TULP3: variants seen among roughly 807,000 people sequenced by gnomAD.
TULP3 encodes TUB like protein 3.
In TULP3, 38 loss-of-function variants were observed where a neutral mutation model predicts 50.7. The observed-to-expected ratio is 0.75, with a 90% CI of 0.58 to 0.98. TULP3 has a LOEUF of 0.98. TULP3 is among the 50% of genes least tolerant of loss of function. The pLI, the probability that TULP3 is intolerant of heterozygous loss-of-function variation, is 0.00. For synonymous variants in TULP3, 183 were observed against 196.6 expected (o/e 0.93, Z 0.58); for missense variants, 550 against 568.0 (o/e 0.97, Z 0.32).
At chr12:2,929,222 C>T (rs2098196440) in intron 4 of TULP3, among the ~76,000 whole-genome samples, 1 of 151,918 alleles carries the variant, frequency 6.6e-6, no homozygotes, top group African/African-American at 2.4e-5. Flanking sequence ...GAGGCTGAGG[C>T]AGGAGAGTGG....
At chr12:2,915,306 A>G (rs1385929420) in intron 2 of TULP3, among the ~76,000 whole-genome samples, 1 of 151,930 alleles carries the variant, frequency 6.6e-6, no homozygotes, top group Admixed American at 6.6e-5. Context: ...GGATTTTCTG[A>G]TTCTTGCTGT....
At chr12:2,920,264 C>T (rs1214926501) in intron 2 of TULP3, among the ~76,000 whole-genome samples, 1 of 152,202 alleles carries the variant, frequency 6.6e-6, no homozygotes, top group East Asian at 1.9e-4. Flanking sequence ...AATCCCAACA[C>T]TTTGGGAGGC....
intron 2 of TULP3, among the ~76,000 whole-genome samples, chr12:2,915,291 A>T (rs1326234789): frequency 6.6e-6 from 1 of 152,162 alleles, no homozygotes; most frequent in Non-Finnish European, 1.5e-5. Flanking sequence ...CGCCCAGCCC[A>T]GAATGGATTT....
intron 1 of TULP3, among the ~76,000 whole-genome samples, chr12:2,908,722 C>T (rs1246219933): frequency 6.6e-6 from 1 of 152,052 alleles, no homozygotes; most frequent in Non-Finnish European, 1.5e-5. Flanking sequence ...GTGCCTGGCC[C>T]AAAAAGTTTT....
At chr12:2,935,631 T>G (rs898678978) in intron 8 of TULP3, among the ~76,000 whole-genome samples, 2 of 152,186 alleles carry the variant, frequency 1.3e-5, no homozygotes, top group Admixed American at 6.6e-5. Context: ...ACCATTTGAC[T>G]TCACACTTTA....
In TULP3 at chr12:2,940,562, T is replaced by G; in HGVS notation, c.*1118T>G. ...CCAAACCTTGAGAATGCAGGAGCTC[T>G]GTGAGCTCCACCGTCAGCACCATTC... On this transcript the variant is annotated 3_prime_UTR_variant, in exon 11 of 11. Coordinates refer to ENST00000448120, the MANE Select transcript of TULP3 (RefSeq NM_003324.5). 6.4e-7 allele frequency: 1 copy of G among 1,551,410 alleles called. No individual in the cohort carries two copies. The highest frequency in any genetic ancestry group is 8.7e-7 in the Non-Finnish European group (1 of 1,146,792).
chr12:2,891,917 A>G (rs1455199613), intron 1 of TULP3, among the ~76,000 whole-genome samples: 3 of 151,988 alleles, frequency 2.0e-5, no homozygotes, highest in African/African-American at 7.2e-5. Context: ...AATAAAATCA[A>G]TCAGTCAATC....
rs949868268 is a variant in TULP3, at chr12:2,936,477, G to A, written c.925-1154G>A. Among the ~76,000 whole-genome samples the A allele has an allele frequency of 5.9e-5, 9 of 152,082 alleles. No individual in the cohort carries two copies. The South Asian group carries it at 6.2e-4, about 11-fold the overall frequency. ...AAGACTCAAGAGTAAGAGGCCGGGC[G>A]TGGTGGCTCACTCCTGTAGTCACAG... is the stretch of plus-strand genomic sequence containing the variant. On this transcript the variant is annotated intron_variant, in intron 8 of 10. Coordinates refer to ENST00000448120, the MANE Select transcript of TULP3 (RefSeq NM_003324.5).
rs780055281 is a variant in TULP3 at position 2,939,411 on chromosome 12, T to C, written c.1296T>C (p.Leu432=). Residue 432 remains leucine, a synonymous_variant, in exon 11 of 11, where the codon CTT becomes CTC. Transcript: ENST00000448120. The surrounding 1 kb of genome is among the most constrained non-coding windows in gnomAD (Gnocchi z 4.0). ...CAGTACAGGCCTTTGGCATCGGTCT[T>C]TCTAGCTTTGACAGTAAGCTGGCGT... ...LCAVQAFGIG[L]SSFDSKLACE 1 of 1,614,192 alleles carries C rather than the reference T, an allele frequency of 6.2e-7. No homozygotes were observed. The highest frequency in any genetic ancestry group is 1.1e-5 in the South Asian group (1 of 91,086).
chr12:2,897,196 G>C (rs538497554), intron 1 of TULP3, among the ~76,000 whole-genome samples: 2 of 152,028 alleles, frequency 1.3e-5, no homozygotes, highest in South Asian at 4.1e-4. Context: ...TTTTAGTAGG[G>C]ACAGGATTTC....
At chr12:2,900,459 C>T (rs953841262) in intron 1 of TULP3, among the ~76,000 whole-genome samples, 4 of 152,102 alleles carry the variant, frequency 2.6e-5, no homozygotes, top group East Asian at 1.9e-4. Flanking sequence ...GAATAATGAT[C>T]GGTGACTGGG....
intron 1 of TULP3, among the ~76,000 whole-genome samples, chr12:2,893,573 G>T (rs1382275307): frequency 1.3e-5 from 2 of 151,726 alleles, no homozygotes; most frequent in African/African-American, 2.4e-5. Context: ...CGCCCGCCTC[G>T]GCCTCCCAAA....
At chr12:2,907,538 C>A (rs927568637) in intron 1 of TULP3, among the ~76,000 whole-genome samples, 6 of 150,154 alleles carry the variant, frequency 4.0e-5, no homozygotes, top group Non-Finnish European at 8.8e-5. Flanking sequence ...GTTCTAGCTA[C>A]TCAGGAGGCT....
At chr12:2,897,398 T>C (rs536917397) in intron 1 of TULP3, among the ~76,000 whole-genome samples, 2 of 152,178 alleles carry the variant, frequency 1.3e-5, no homozygotes, top group African/African-American at 2.4e-5. Flanking sequence ...AGTATTATGA[T>C]GAAATCATTA....
At chr12:2,893,327 G>GTTTTTTTTTTTTTTT (rs36190881) in intron 1 of TULP3, among the ~76,000 whole-genome samples, 1 of 128,162 alleles carries the variant, frequency 7.8e-6, no homozygotes, top group Non-Finnish European at 1.6e-5. Context: ...TGTTTAATGT[G>GTTTTTTTTTTTTTTT]TTTTTTTTTT....
At chr12:2,929,859 G>A (rs2098196913) in intron 4 of TULP3, among the ~76,000 whole-genome samples, 1 of 152,038 alleles carries the variant, frequency 6.6e-6, no homozygotes, top group African/African-American at 2.4e-5. Context: ...AAAGTGCTGG[G>A]ATTACAGGCA....
chr12:2,897,771 TAAA>T (rs71057851), intron 1 of TULP3, among the ~76,000 whole-genome samples: 12 of 125,748 alleles, frequency 9.5e-5, no homozygotes, highest in South Asian at 5.2e-4. Flanking sequence ...CCCTGTCTCT[TAAA>T]AAAAAAAAAA....
At chr12:2,897,924 CA>C (rs2098176497) in intron 1 of TULP3, among the ~76,000 whole-genome samples, 1 of 151,090 alleles carries the variant, frequency 6.6e-6, no homozygotes, top group Admixed American at 6.6e-5. Flanking sequence ...ACTAAAAATA[CA>C]AAATTAGCCA....
chr12:2,897,405 A>C (rs1270509236), intron 1 of TULP3, among the ~76,000 whole-genome samples: 1 of 152,214 alleles, frequency 6.6e-6, no homozygotes, highest in East Asian at 1.9e-4. Context: ...TGATGAAATC[A>C]TTAGTCTTCT....
Sources: gnomAD v4.1 joint callset for allele counts (sites outside exome capture counted in the v4.1 genomes callset) on GRCh38, gnomAD v4.1.1 for gene constraint, Gnocchi (gnomAD v3.1) non-coding constraint, MANE v1.5 for transcripts, NCBI Gene and HGNC (gene_info 2026-07-23, HGNC 2026-07-21) for gene names.